WWP2: variants seen among roughly 807,000 people sequenced by gnomAD.
WWP2 encodes the protein NEDD4-like E3 ubiquitin-protein ligase WWP2.
In WWP2, 57 loss-of-function variants were observed where a neutral mutation model predicts 121.0. That is an observed-to-expected ratio of 0.47 (90% CI 0.38 to 0.59). WWP2 has a LOEUF of 0.59. Ranked by LOEUF, WWP2 falls within the 20% of genes least tolerant of loss-of-function variation. The pLI, the probability that WWP2 is intolerant of heterozygous loss-of-function variation, is 0.00. For missense variants in WWP2, 962 were observed against 1,158.9 expected, an observed-to-expected ratio of 0.83 and a Z score of 2.47; for synonymous variants, 449 against 441.3, an observed-to-expected ratio of 1.02 and a Z score of -0.22.
At chr16:69,832,049 G>A (rs140490016) in intron 4 of WWP2, among the ~76,000 whole-genome samples, 2,119 of 152,070 alleles carry the variant, frequency 0.014, 47 homozygotes, top group African/African-American at 0.048. Context: ...GGCGGGTCTC[G>A]AACTCCTGAG....
Position 69,872,782 on chromosome 16 carries a change from G to C in WWP2, c.703+851G>C, listed in dbSNP as rs575703473. Among the ~76,000 whole-genome samples, 455 of 152,310 alleles carry C rather than the reference G, an allele frequency of 3.0e-3. 4 individuals are homozygous for C. Among genetic ancestry groups the C allele is most frequent in the African/African-American group, 0.01 (431 of 41,572 alleles). Reference sequence around the variant, plus strand: ...TTTGAGAGGAGACAGTGCCGTCCACGTGCGCATGGAACTTCCCCACACTTG... The same window carrying C: ...TTTGAGAGGAGACAGTGCCGTCCACCTGCGCATGGAACTTCCCCACACTTG... On this transcript the variant is annotated intron_variant, in intron 7 of 23. Coordinates refer to ENST00000359154, the MANE Select transcript of WWP2 (RefSeq NM_001270454.2).
intron 6 of WWP2, among the ~76,000 whole-genome samples, chr16:69,852,485 G>A (rs909934752): frequency 6.6e-6 from 1 of 152,140 alleles, no homozygotes; most frequent in African/African-American, 2.4e-5. Flanking sequence ...TGTTGGCCAG[G>A]TTGGTCTCGA....
chr16:69,765,390 A>G (rs1483922677), intron 1 of WWP2, among the ~76,000 whole-genome samples: 5 of 152,194 alleles, frequency 3.3e-5, no homozygotes, highest in Admixed American at 2.0e-4. Context: ...TCTGAATGCC[A>G]GGAATATAGC....
intron 4 of WWP2, among the ~76,000 whole-genome samples, chr16:69,806,599 G>A (rs1433784971): frequency 6.6e-6 from 1 of 151,844 alleles, no homozygotes; most frequent in African/African-American, 2.4e-5. Context: ...ATAATTACTG[G>A]TTTGTTCAGC....
chr16:69,874,294 C>T (rs1338020106), intron 7 of WWP2, among the ~76,000 whole-genome samples: 2 of 152,100 alleles, frequency 1.3e-5, no homozygotes, highest in Middle Eastern at 3.2e-3. Context: ...TCTTCAGCAG[C>T]GCAGGACCAG....
intron 4 of WWP2, among the ~76,000 whole-genome samples, chr16:69,836,302 T>G (rs910762007): frequency 6.6e-6 from 1 of 152,150 alleles, no homozygotes; most frequent in Non-Finnish European, 1.5e-5. Flanking sequence ...CTTTTTTTTT[T>G]TTGTTTAAAT....
chr16:69,870,060 T>C (rs2057605561), intron 6 of WWP2, among the ~76,000 whole-genome samples: 1 of 152,216 alleles, frequency 6.6e-6, no homozygotes, highest in South Asian at 2.1e-4. Context: ...GCTCTTGACA[T>C]TAAACTGCCT....
intron 6 of WWP2, among the ~76,000 whole-genome samples, chr16:69,866,380 C>T (rs966888250): frequency 6.6e-6 from 1 of 151,974 alleles, no homozygotes; most frequent in Non-Finnish European, 1.5e-5. Flanking sequence ...GCCTCAGCCT[C>T]CCAAAGTGCT....
In WWP2 at chr16:69,937,698, C is replaced by A; in HGVS notation, c.2343+46C>A. 6.3e-7 allele frequency: 1 copy of A among 1,598,626 alleles called. No homozygotes were observed. The highest frequency in any genetic ancestry group is 1.1e-5 in the South Asian group (1 of 90,428). On this transcript the variant is annotated intron_variant, in intron 21 of 23. Coordinates refer to ENST00000359154, the MANE Select transcript of WWP2 (RefSeq NM_001270454.2). The surrounding 1 kb of genome is among the most constrained non-coding windows in gnomAD (Gnocchi z 6.6). The stretch of plus-strand genomic sequence containing the variant: ...TTGGCAGGGACATTTGGGCCATCAA[C>A]CAAAGGAAACGGGTCCTGAGGAGGC...
At chr16:69,791,706 A>C (rs2055914910) in intron 2 of WWP2, among the ~76,000 whole-genome samples, 1 of 152,014 alleles carries the variant, frequency 6.6e-6, no homozygotes, top group Admixed American at 6.6e-5. Context: ...TTTTTTATAG[A>C]GATAGGTCTT....
intron 2 of WWP2, among the ~76,000 whole-genome samples, chr16:69,789,051 T>C (rs867243413): frequency 1.3e-4 from 20 of 152,260 alleles, no homozygotes; most frequent in South Asian, 4.1e-4. Flanking sequence ...AATCTTAGTT[T>C]TTAATTTTAT....
chr16:69,920,371 C>A (rs1200196030), intron 10 of WWP2, among the ~76,000 whole-genome samples: 2 of 152,154 alleles, frequency 1.3e-5, no homozygotes, highest in Admixed American at 1.3e-4. Flanking sequence ...GCCACACATG[C>A]CTGACATCCA....
intron 1 of WWP2, among the ~76,000 whole-genome samples, chr16:69,785,472 A>C (rs1007015701): frequency 6.6e-6 from 1 of 152,182 alleles, no homozygotes; most frequent in Non-Finnish European, 1.5e-5. Flanking sequence ...CATTTGGAAA[A>C]TCTGCAGAAC....
At position 69,936,621 on chromosome 16, in the gene WWP2, A is replaced by T. The variant is rs1049301312; in HGVS notation, c.2117+169A>T. 8 of 974,446 alleles carry T rather than the reference A, an allele frequency of 8.2e-6. No homozygotes were observed. In the African/African-American group the frequency reaches 8.3e-5, roughly 10 times the overall value. 60.4% of individuals were successfully genotyped at this position (974,446 alleles called of 1,614,324 possible). ...GTCATGTGATGGCGCGAGCTGGGGG[A>T]ACCAAAGCCGAGGTCCTTAGTTACC... On this transcript the variant is annotated intron_variant, in intron 19 of 23. Transcript: ENST00000359154.
chr16:69,924,044 C>T (rs2058603009), intron 10 of WWP2, among the ~76,000 whole-genome samples: 1 of 152,230 alleles, frequency 6.6e-6, no homozygotes. Flanking sequence ...TCAAGGTGAG[C>T]TTCCCCCACC....
intron 9 of WWP2, chr16:69,909,745 G>T: frequency 1.0e-6 from 1 of 954,578 alleles, no homozygotes; most frequent in Non-Finnish European, 1.2e-6. Flanking sequence ...TAAGTGTTTT[G>T]TTATGAAAAT....
intron 4 of WWP2, among the ~76,000 whole-genome samples, chr16:69,807,196 C>T (rs149197310): frequency 3.8e-4 from 58 of 151,898 alleles, no homozygotes; most frequent in Middle Eastern, 3.4e-3. Context: ...TCACCATGCC[C>T]GGCTAATTTT....
intron 6 of WWP2, among the ~76,000 whole-genome samples, chr16:69,866,270 TTTTATTTATTTA>T (rs56801798): frequency 0.43 from 63,638 of 147,808 alleles, 14,796 homozygotes; most frequent in East Asian, 0.84. Flanking sequence ...AGGTTTCACA[TTTTATTTATTTA>T]TTTATTTATT....
At chr16:69,855,862 A>G (rs923002175) in intron 6 of WWP2, among the ~76,000 whole-genome samples, 1 of 152,184 alleles carries the variant, frequency 6.6e-6, no homozygotes, top group African/African-American at 2.4e-5. Context: ...TGCTTTATGT[A>G]TTTCGAGGTT....
Sources: gnomAD v4.1 joint callset for allele counts (sites outside exome capture counted in the v4.1 genomes callset) on GRCh38, gnomAD v4.1.1 for gene constraint, Gnocchi (gnomAD v3.1) non-coding constraint, MANE v1.5 for transcripts, NCBI Gene and HGNC (gene_info 2026-07-23, HGNC 2026-07-21) for gene names.